The following NXPE2 variants were observed in gnomAD, a reference collection of about 807,000 sequenced individuals.
NXPE2 encodes the protein neurexophilin and PC-esterase domain family member 2.
A neutral mutation model predicts 34.4 loss-of-function variants in NXPE2; 34 were observed. That is an observed-to-expected ratio of 0.99 (90% CI 0.75 to 1.31). The LOEUF (loss-of-function observed/expected upper bound fraction) is 1.31, where lower values mean the gene tolerates loss of function less well. Among genes scored for constraint, NXPE2 ranks in the 40% most tolerant of loss-of-function variants. The pLI is 0.00. For synonymous variants in NXPE2, 235 were observed against 231.3 expected (o/e 1.02, Z -0.15); for missense variants, 649 against 672.5 (o/e 0.97, Z 0.39).
the NXPE2 span, among the ~76,000 whole-genome samples, chr11:114,592,769 A>G: frequency 6.6e-6 from 1 of 152,186 alleles, no homozygotes; most frequent in African/African-American, 2.4e-5. Context: ...ATATTACCTG[A>G]CTTCAAAATA....
At chr11:114,786,355 A>ACCCCCCCCCCCCCCC in the NXPE2 span, among the ~76,000 whole-genome samples, 3 of 127,324 alleles carry the variant, frequency 2.4e-5, no homozygotes, top group Admixed American at 8.3e-5. Context: ...AGATCTTTCT[A>ACCCCCCCCCCCCCCC]CCCCCGCCCC....
chr11:114,809,367 G>C, the NXPE2 span, among the ~76,000 whole-genome samples: 1 of 151,712 alleles, frequency 6.6e-6, no homozygotes, highest in Non-Finnish European at 1.5e-5. Context: ...GAGAAGGAAA[G>C]AAAGGGTATT....
chr11:114,602,839 T>G, the NXPE2 span, among the ~76,000 whole-genome samples: 151 of 146,996 alleles, frequency 1.0e-3, no homozygotes, highest in African/African-American at 3.5e-3. Flanking sequence ...TCTCATATAA[T>G]TACAGAATCA....
At chr11:114,539,967 G>A in the NXPE2 span, among the ~76,000 whole-genome samples, 4 of 151,912 alleles carry the variant, frequency 2.6e-5, no homozygotes, top group East Asian at 1.9e-4. Context: ...ACCTTAATAC[G>A]AATATTGTAA....
chr11:114,623,435 C>T, the NXPE2 span, among the ~76,000 whole-genome samples: 1 of 152,220 alleles, frequency 6.6e-6, no homozygotes, highest in East Asian at 1.9e-4. Flanking sequence ...TAAGTATTCC[C>T]TCATGGGTAA....
intron 3 of NXPE2, among the ~76,000 whole-genome samples, chr11:114,700,635 C>T (rs1191748482): frequency 6.6e-6 from 1 of 152,034 alleles, no homozygotes; most frequent in East Asian, 1.9e-4. Context: ...AGCACAATGC[C>T]TGACACTGAG....
chr11:114,799,761 G>A, the NXPE2 span, among the ~76,000 whole-genome samples: 1 of 152,220 alleles, frequency 6.6e-6, no homozygotes, highest in East Asian at 1.9e-4. Flanking sequence ...CAGCCAGAGG[G>A]AGCATCTATA....
At chr11:114,513,292 G>A in the NXPE2 span, 1 of 467,126 alleles carries the variant, frequency 2.1e-6, no homozygotes, top group South Asian at 2.0e-5. Context: ...TCATGTGGGT[G>A]AAAGGTCTGG....
the NXPE2 span, among the ~76,000 whole-genome samples, chr11:114,788,447 A>T: frequency 6.6e-6 from 1 of 152,184 alleles, no homozygotes; most frequent in Non-Finnish European, 1.5e-5. Flanking sequence ...GCCGAACATC[A>T]TCTCTGGGGA....
the NXPE2 span, among the ~76,000 whole-genome samples, chr11:114,632,821 ATAATT>A: frequency 8.0e-5 from 1 of 12,556 alleles, no homozygotes. Context: ...TTATATATAT[ATAATT>A]TATAATAATA....
At chr11:114,639,180 C>T in the NXPE2 span, among the ~76,000 whole-genome samples, 1 of 151,928 alleles carries the variant, frequency 6.6e-6, no homozygotes, top group Non-Finnish European at 1.5e-5. Context: ...GGTGGGCACC[C>T]CTCCCCCAGC....
chr11:114,739,195 A>G, the NXPE2 span, among the ~76,000 whole-genome samples: 4 of 152,270 alleles, frequency 2.6e-5, no homozygotes, highest in South Asian at 4.1e-4. Flanking sequence ...CCATTTACCA[A>G]TGGTGGTTGC....
chr11:114,632,372 A>G, the NXPE2 span, among the ~76,000 whole-genome samples: 1 of 134,284 alleles, frequency 7.4e-6, no homozygotes, highest in East Asian at 2.0e-4. Flanking sequence ...TATATTACAT[A>G]TAGTTATATA....
chr11:114,467,812 C>T, the NXPE2 span, among the ~76,000 whole-genome samples: 2 of 151,740 alleles, frequency 1.3e-5, no homozygotes, highest in East Asian at 1.9e-4. Flanking sequence ...GGTGTGCAAC[C>T]GTAGTCCCAA....
chr11:114,569,538 C>T, the NXPE2 span, among the ~76,000 whole-genome samples: 2 of 152,152 alleles, frequency 1.3e-5, no homozygotes, highest in Non-Finnish European at 2.9e-5. Flanking sequence ...TGGTACTCTG[C>T]CCCATGGGGC....
the NXPE2 span, among the ~76,000 whole-genome samples, chr11:114,663,663 CTATCATCTATCTATT>C: frequency 4.6e-4 from 54 of 117,132 alleles, no homozygotes; most frequent in African/African-American, 1.6e-3. Context: ...ATCTATTTAT[CTATCATCTATCTATT>C]TATCTATCTA....
chr11:114,612,155 G>A, the NXPE2 span, among the ~76,000 whole-genome samples: 3 of 144,090 alleles, frequency 2.1e-5, no homozygotes, highest in South Asian at 2.3e-4. Flanking sequence ...AACCACAGTT[G>A]CCCAGTGGAT....
At chr11:114,614,538 C>A in the NXPE2 span, among the ~76,000 whole-genome samples, 1 of 151,644 alleles carries the variant, frequency 6.6e-6, no homozygotes, top group East Asian at 2.0e-4. Context: ...ACCAGTGTTA[C>A]CCAGTGGATA....
chr11:114,583,969 CA>C, the NXPE2 span: 3 of 374,768 alleles, frequency 8.0e-6, no homozygotes, highest in Non-Finnish European at 1.6e-5. Context: ...CCTATGAGGC[CA>C]TTTTCAAACT....
Sources: gnomAD v4.1 joint callset for allele counts (sites outside exome capture counted in the v4.1 genomes callset) on GRCh38, gnomAD v4.1.1 for gene constraint, MANE v1.5 for transcripts, NCBI Gene and HGNC (gene_info 2026-07-23, HGNC 2026-07-21) for gene names.